The following CAMK1D variants were observed in gnomAD, a reference collection of about 807,000 sequenced individuals.
CAMK1D encodes calcium/calmodulin dependent protein kinase ID.
CAMK1D carries 9 observed loss-of-function variants against 47.7 expected under a neutral mutation model. The ratio of observed to expected loss-of-function variants is 0.19; its 90% CI spans 0.11 to 0.33. The LOEUF is 0.33. Ranked by LOEUF, CAMK1D falls within the 10% of genes least tolerant of loss-of-function variation. The pLI, the probability that CAMK1D is intolerant of heterozygous loss-of-function variation, is 1.00. For synonymous variants in CAMK1D, 184 were observed against 184.9 expected (o/e 0.99, Z 0.04); for missense variants, 291 against 488.7 (o/e 0.60, Z 3.81).
intron 2 of CAMK1D, among the ~76,000 whole-genome samples, chr10:12,653,669 C>G (rs1840041553): frequency 6.6e-6 from 1 of 152,258 alleles, no homozygotes; most frequent in Non-Finnish European, 1.5e-5. Flanking sequence ...CCCCCTAAGT[C>G]TGACAGTGAA....
chr10:12,780,881 A>G (rs780669807), intron 5 of CAMK1D, among the ~76,000 whole-genome samples: 5 of 152,128 alleles, frequency 3.3e-5, no homozygotes, highest in Non-Finnish European at 7.4e-5. Flanking sequence ...CACAGCGAAC[A>G]TTTTATCACA....
intron 1 of CAMK1D, among the ~76,000 whole-genome samples, chr10:12,411,591 T>C (rs1283169607): frequency 7.1e-6 from 1 of 141,740 alleles, no homozygotes; most frequent in Non-Finnish European, 1.5e-5. Context: ...AGCAATGGCC[T>C]ACCTGGCTTC....
At chr10:12,431,234 G>A (rs941800111) in intron 1 of CAMK1D, among the ~76,000 whole-genome samples, 2 of 152,152 alleles carry the variant, frequency 1.3e-5, no homozygotes, top group African/African-American at 4.8e-5. Flanking sequence ...CAGTTTTGTC[G>A]GGAAGTTATC....
chr10:12,493,795 G>A (rs374771127), intron 1 of CAMK1D, among the ~76,000 whole-genome samples: 2 of 152,142 alleles, frequency 1.3e-5, no homozygotes, highest in South Asian at 2.1e-4. Context: ...TGCCCTGCCT[G>A]CATATCTGTT....
chr10:12,515,418 C>CTTTTTTTTTTCT lies in CAMK1D; in HGVS notation c.93-37797_93-37796insCTTTTTTTTTTT, dbSNP rs750473065. On this transcript the variant is annotated intron_variant, in intron 1 of 10. Coordinates refer to ENST00000619168, the MANE Select transcript of CAMK1D (RefSeq NM_153498.4). The stretch of plus-strand genomic sequence containing the variant: ...TTTCCTTTTCTTTTTTTTTTTTTTT[C>CTTTTTTTTTTCT]TTTTTTTTTTTCATTATACTTTAAG... Among the ~76,000 whole-genome samples, 14 of 98,992 alleles carry CTTTTTTTTTTCT rather than the reference C, an allele frequency of 1.4e-4. No homozygotes were observed. In the South Asian group the frequency reaches 1.7e-3, roughly 12 times the overall value. The allele number at this position is 98,992 out of a possible 152,430, so 64.9% of individuals were successfully genotyped here. A position where few individuals can be genotyped will look rare whatever the true frequency, so the allele number is the denominator to read the frequency against.
chr10:12,571,552 C>T (rs751962493), intron 2 of CAMK1D, among the ~76,000 whole-genome samples: 3 of 152,048 alleles, frequency 2.0e-5, no homozygotes, highest in South Asian at 2.1e-4. Flanking sequence ...CTGGATCCCC[C>T]GGTGATGCAT....
chr10:12,648,856 T>C (rs1839882548), intron 2 of CAMK1D, among the ~76,000 whole-genome samples: 1 of 152,176 alleles, frequency 6.6e-6, no homozygotes, highest in African/African-American at 2.4e-5. Context: ...AGAGATTTTG[T>C]ATAATAGGCA....
chr10:12,802,671 C>G (rs1229919801), intron 6 of CAMK1D, among the ~76,000 whole-genome samples: 2 of 152,166 alleles, frequency 1.3e-5, no homozygotes, highest in Non-Finnish European at 2.9e-5. Context: ...CAGCTGTGTG[C>G]CACCACGCCT....
chr10:12,510,892 C>A (rs1317165710), intron 1 of CAMK1D, among the ~76,000 whole-genome samples: 1 of 152,202 alleles, frequency 6.6e-6, no homozygotes, highest in Non-Finnish European at 1.5e-5. Flanking sequence ...CAATTGATTT[C>A]TCATTTCTTC....
At chr10:12,427,700 G>GTTTTTTTGTTTTTTTT (rs1290974363) in intron 1 of CAMK1D, among the ~76,000 whole-genome samples, 1 of 31,030 alleles carries the variant, frequency 3.2e-5, no homozygotes, top group Non-Finnish European at 6.2e-5. Flanking sequence ...TGAACTTACT[G>GTTTTTTTGTTTTTTTT]TTTTTTTTTT....
chr10:12,593,226 C>T (rs1838047484), intron 2 of CAMK1D, among the ~76,000 whole-genome samples: 1 of 152,116 alleles, frequency 6.6e-6, no homozygotes, highest in African/African-American at 2.4e-5. Context: ...CGTTTTAGGG[C>T]ACTCTTTACT....
intron 5 of CAMK1D, among the ~76,000 whole-genome samples, chr10:12,774,487 A>G (rs890981688): frequency 6.6e-6 from 1 of 152,172 alleles, no homozygotes; most frequent in Admixed American, 6.6e-5. Flanking sequence ...AGTCCTGAGC[A>G]GGGGTATGTG....
chr10:12,449,168 T>C (rs118047040), intron 1 of CAMK1D, among the ~76,000 whole-genome samples: 1 of 152,286 alleles, frequency 6.6e-6, no homozygotes, highest in Non-Finnish European at 1.5e-5. Context: ...ACATGAGTAT[T>C]TGGCCATTAA....
At chr10:12,615,586 GGT>G (rs1363300109) in intron 2 of CAMK1D, among the ~76,000 whole-genome samples, 1 of 13,574 alleles carries the variant, frequency 7.4e-5, no homozygotes, top group Non-Finnish European at 1.6e-3. Flanking sequence ...CGTGTGTGTA[GGT>G]GTGTATTGTG....
intron 1 of CAMK1D, among the ~76,000 whole-genome samples, chr10:12,496,179 C>T (rs983164461): frequency 1.3e-5 from 2 of 152,130 alleles, no homozygotes; most frequent in African/African-American, 2.4e-5. Context: ...CAAATGCATT[C>T]TTGGTAAATT....
chr10:12,597,286 C>T (rs1838172812), intron 2 of CAMK1D, among the ~76,000 whole-genome samples: 1 of 152,184 alleles, frequency 6.6e-6, no homozygotes, highest in South Asian at 2.1e-4. Flanking sequence ...GCATCCATCA[C>T]CCCCTTGGGA....
At chr10:12,371,215 C>T (rs1837994811) in intron 1 of CAMK1D, among the ~76,000 whole-genome samples, 1 of 149,334 alleles carries the variant, frequency 6.7e-6, no homozygotes, top group African/African-American at 2.4e-5. Context: ...ACTCACTCAC[C>T]CAGGGTGACT....
intron 1 of CAMK1D, among the ~76,000 whole-genome samples, chr10:12,407,292 C>T (rs1459526807): frequency 6.6e-6 from 1 of 152,272 alleles, no homozygotes; most frequent in Non-Finnish European, 1.5e-5. Flanking sequence ...TCCTGTCACC[C>T]AGCCCCAGCT....
intron 1 of CAMK1D, among the ~76,000 whole-genome samples, chr10:12,379,684 C>T (rs919142517): frequency 6.6e-6 from 1 of 151,858 alleles, no homozygotes; most frequent in Non-Finnish European, 1.5e-5. Context: ...ACCCTGGAGG[C>T]GGAGGTTGCA....
Sources: allele counts gnomAD v4.1 joint callset (sites outside exome capture counted in the v4.1 genomes callset), GRCh38; gene constraint gnomAD v4.1.1; transcripts MANE v1.5; gene names NCBI Gene and HGNC (gene_info 2026-07-23, HGNC 2026-07-21).